ARCN1: variants seen among roughly 807,000 people sequenced by gnomAD.
ARCN1 encodes archain 1 coat protein complex I subunit delta.
In ARCN1, 5 loss-of-function variants were observed where a neutral mutation model predicts 60.4. The observed-to-expected ratio is 0.08, with a 90% confidence interval of 0.04 to 0.17. ARCN1 has a LOEUF of 0.17. Among genes scored for constraint, ARCN1 ranks in the 10% least tolerant of loss-of-function variants. The pLI is 1.00. For synonymous variants in ARCN1, 224 were observed against 220.0 expected (o/e 1.02, Z -0.16); for missense variants, 464 against 626.5 (o/e 0.74, Z 2.77).
Position 118,594,450 on chromosome 11 carries a change from T to C in ARCN1, c.1241+752T>C, listed in dbSNP as rs143360113. ...GGTGGTGCTTACTGCATACACTTGT[T>C]GAAATACATTGAGCACTTGGAAGGG... On this transcript the variant is annotated intron_variant, in intron 8 of 9. Transcript: ENST00000264028. Among the ~76,000 whole-genome samples the C allele has an allele frequency of 1.2e-4, 18 of 152,234 alleles. No homozygotes were observed. The East Asian group carries it at 3.5e-3, about 29-fold the overall frequency.
chr11:118,598,079 A>C (rs982925563), intron 9 of ARCN1, among the ~76,000 whole-genome samples, 168 bp downstream of exon 9: 10 of 152,214 alleles, frequency 6.6e-5, no homozygotes, highest in African/African-American at 2.4e-4. Context: ...ATCGTGGTCA[A>C]ATTCTTTTAT....
chr11:118,589,679 C>T (rs1406282832), intron 5 of ARCN1, among the ~76,000 whole-genome samples: 2 of 152,244 alleles, frequency 1.3e-5, no homozygotes, highest in Non-Finnish European at 2.9e-5. Context: ...CCTTGGCCTC[C>T]CAAAGTGCTG....
intron 1 of ARCN1, among the ~76,000 whole-genome samples, chr11:118,574,004 G>A (rs141679097): frequency 4.6e-5 from 7 of 152,136 alleles, no homozygotes; most frequent in East Asian, 1.9e-4. Context: ...CCAGATAAAG[G>A]TAATCTTTCT....
intron 5 of ARCN1, among the ~76,000 whole-genome samples, chr11:118,589,668 G>T (rs1555075960): frequency 6.6e-6 from 1 of 152,162 alleles, no homozygotes; most frequent in African/African-American, 2.4e-5. Context: ...TGATCTACCC[G>T]CCTTGGCCTC....
At chr11:118,582,491 G>C (rs914128822) in intron 2 of ARCN1, among the ~76,000 whole-genome samples, 2 of 151,892 alleles carry the variant, frequency 1.3e-5, no homozygotes, top group Non-Finnish European at 2.9e-5. Context: ...TTGGGAGGCT[G>C]AGGCGGGTGG....
chr11:118,590,656 G>A (rs1210357965), intron 6 of ARCN1, 150 bp downstream of exon 6: 1 of 754,376 alleles, frequency 1.3e-6, no homozygotes, highest in African/African-American at 1.8e-5. Context: ...TTAATATATT[G>A]CATACAGTAG....
chr11:118,589,828 G>T (rs532380586), intron 5 of ARCN1, among the ~76,000 whole-genome samples: 1 of 152,298 alleles, frequency 6.6e-6, no homozygotes, highest in Admixed American at 6.5e-5. Context: ...GCACAGGTGA[G>T]AATTTATCTG....
At chr11:118,594,253 C>T (rs1555076799) in intron 8 of ARCN1, among the ~76,000 whole-genome samples, 3 of 151,694 alleles carry the variant, frequency 2.0e-5, no homozygotes, top group African/African-American at 7.3e-5. Flanking sequence ...GCGCACACCA[C>T]CACGCTTGGC....
chr11:118,577,152 A>G (rs1164118548), intron 1 of ARCN1, among the ~76,000 whole-genome samples: 2 of 152,200 alleles, frequency 1.3e-5, no homozygotes, highest in Non-Finnish European at 2.9e-5. Context: ...ACGCCACTGC[A>G]CTACAGCTTG....
rs574128019 is a variant in ARCN1 at position 118,580,099 on chromosome 11, G to C, written c.4-1147G>C. Among the ~76,000 whole-genome samples the C allele has an allele frequency of 2.6e-5, 4 of 152,320 alleles. No individual in the cohort carries two copies. The East Asian group carries it at 7.7e-4, about 29-fold the overall frequency. On this transcript the variant is annotated intron_variant, in intron 1 of 9. Transcript: ENST00000264028. ...GCACTTTGGGAGGCCAAGGTGGGCT[G>C]ATCACTTGAGTCCAGAAGTTCAAGA...
chr11:118,597,616 T>G (rs1364713110), intron 8 of ARCN1, 91 bp from the exon 9 acceptor site: 14 of 1,453,442 alleles, frequency 9.6e-6, no homozygotes, highest in Non-Finnish European at 1.2e-5. Context: ...AAGGCAAAAT[T>G]TGGGGATCAT....
chr11:118,597,341 T>G (rs1939048639), intron 8 of ARCN1, among the ~76,000 whole-genome samples: 1 of 152,258 alleles, frequency 6.6e-6, no homozygotes, highest in African/African-American at 2.4e-5. Context: ...CTACATTATG[T>G]TAAAATTCCT....
intron 1 of ARCN1, among the ~76,000 whole-genome samples, chr11:118,577,046 G>T (rs184709082): frequency 1.1e-4 from 16 of 152,170 alleles, no homozygotes; most frequent in African/African-American, 3.4e-4. Context: ...AATTAGCCAG[G>T]TGTGGTGGCC....
rs1215181606 is a variant in ARCN1 at position 118,600,861 on chromosome 11, C to T, written c.*147C>T. The T allele has an allele frequency of 1.2e-4, 62 of 528,204 alleles. No homozygotes were observed. The highest frequency in any genetic ancestry group is 1.4e-4 in the Admixed American group (4 of 28,130). 32.7% of individuals were successfully genotyped at this position (528,204 alleles called of 1,614,324 possible). ...ACGATTCTCTGCGCGCAAGGACCCT[C>T]GACTCACCCCCATGTTTCAGTGTCA... On this transcript the variant is annotated 3_prime_UTR_variant, in exon 10 of 10. Coordinates refer to ENST00000264028, the MANE Select transcript of ARCN1 (RefSeq NM_001655.5).
intron 6 of ARCN1, among the ~76,000 whole-genome samples, chr11:118,591,248 C>T (rs1250272425): frequency 6.6e-6 from 1 of 152,208 alleles, no homozygotes; most frequent in African/African-American, 2.4e-5. Context: ...GTCACAAGAA[C>T]AAAGCCTTTT....
chr11:118,578,101 G>A (rs1938563418), intron 1 of ARCN1, among the ~76,000 whole-genome samples: 1 of 151,928 alleles, frequency 6.6e-6, no homozygotes, highest in Non-Finnish European at 1.5e-5. Context: ...GGCAGAGCTT[G>A]CAGTGAGCCA....
In ARCN1 at chr11:118,590,300, T is replaced by C. The variant is rs782601824; in HGVS notation, c.819-41T>C. 1.9e-6 allele frequency: 3 copies of C among 1,576,240 alleles called. No homozygotes were observed. The South Asian group carries it at 3.4e-5, about 18-fold the overall frequency. On this transcript the variant is annotated intron_variant, in intron 5 of 9. Coordinates refer to ENST00000264028, the MANE Select transcript of ARCN1 (RefSeq NM_001655.5). ...ATGAGCCACCACGCCCGGCCATTGG[T>C]TTCTACCTTTCTGAACAAATGTATT...
chr11:118,584,950 C>T (rs1035918971), intron 5 of ARCN1, among the ~76,000 whole-genome samples: 6 of 151,978 alleles, frequency 3.9e-5, no homozygotes, highest in South Asian at 4.2e-4. Context: ...CTCAGCCTCC[C>T]GAGTAGCTGG....
rs1009397564 is a variant in ARCN1 at position 118,600,850 on chromosome 11, G to A, written c.*136G>A. ...TGATACAATGCACGATTCTCTGCGC[G>A]CAAGGACCCTCGACTCACCCCCATG... On this transcript the variant is annotated 3_prime_UTR_variant, in exon 10 of 10. Transcript: ENST00000264028. 3.4e-5 allele frequency: 20 copies of A among 584,126 alleles called. No homozygotes were observed. Among genetic ancestry groups the A allele is most frequent in the Non-Finnish European group, 3.9e-5 (13 of 333,574 alleles). The allele number at this position is 584,126 out of a possible 1,614,324, so 36.2% of individuals were successfully genotyped here. A position where few individuals can be genotyped will look rare whatever the true frequency, so the allele number is the denominator to read the frequency against.
Sources: allele counts gnomAD v4.1 joint callset (sites outside exome capture counted in the v4.1 genomes callset), GRCh38; gene constraint gnomAD v4.1.1; transcripts MANE v1.5; gene names NCBI Gene and HGNC (gene_info 2026-07-23, HGNC 2026-07-21).